CPED1: variants seen among roughly 807,000 people sequenced by gnomAD.
CPED1 encodes cadherin like and PC-esterase domain containing 1.
CPED1 carries 114 observed loss-of-function variants against 128.2 expected under a neutral mutation model. That is an observed-to-expected ratio of 0.89 (90% confidence interval 0.76 to 1.04). The LOEUF (loss-of-function observed/expected upper bound fraction) is 1.04, where lower values mean the gene tolerates loss of function less well. CPED1 is among the 50% of genes least tolerant of loss of function. The pLI is 0.00. For synonymous variants in CPED1, 462 were observed against 426.7 expected (o/e 1.08, Z -1.02); for missense variants, 1,211 against 1,207.1 (o/e 1.00, Z -0.05).
At chr7:121,227,041 T>C (rs1584613307) in intron 16 of CPED1, among the ~76,000 whole-genome samples, 1 of 152,080 alleles carries the variant, frequency 6.6e-6, no homozygotes, top group African/African-American at 2.4e-5. Context: ...ATTCTAGAGC[T>C]AAATAGATCA....
At chr7:121,076,694 C>T (rs1794132449) in intron 5 of CPED1, 1 of 152,108 alleles carries the variant, frequency 6.6e-6, no homozygotes, top group Non-Finnish European at 1.5e-5. Flanking sequence ...TTTAGTACTT[C>T]TTATAGATTA....
chr7:121,077,319 A>G (rs79719512), intron 5 of CPED1, among the ~76,000 whole-genome samples: 1,754 of 152,308 alleles, frequency 0.012, 32 homozygotes, highest in African/African-American at 0.04. Context: ...GTCAAATTTT[A>G]AAAATGACTG....
intron 3 of CPED1, among the ~76,000 whole-genome samples, chr7:121,025,405 A>G (rs1428555231): frequency 6.6e-6 from 1 of 152,164 alleles, no homozygotes; most frequent in Admixed American, 6.6e-5. Flanking sequence ...ATTAGAATAG[A>G]TTTGGGCGTG....
chr7:121,068,798 T>C (rs908185029), intron 5 of CPED1, among the ~76,000 whole-genome samples: 1 of 152,082 alleles, frequency 6.6e-6, no homozygotes, highest in African/African-American at 2.4e-5. Context: ...TATTGAGCAG[T>C]GGTTTGTAGT....
intron 16 of CPED1, among the ~76,000 whole-genome samples, chr7:121,178,955 A>G (rs1796841428): frequency 6.6e-6 from 1 of 152,072 alleles, no homozygotes; most frequent in African/African-American, 2.4e-5. Context: ...TGCAGCAAAG[A>G]GGTCCAAGGA....
intron 3 of CPED1, among the ~76,000 whole-genome samples, chr7:121,039,572 C>A (rs1180994235): frequency 6.6e-6 from 1 of 151,978 alleles, no homozygotes; most frequent in Non-Finnish European, 1.5e-5. Flanking sequence ...GCATTTCAGA[C>A]ATTTAGAAAT....
At position 121,033,245 on chromosome 7, in the gene CPED1, A is replaced by G. The variant is rs1205142031; in HGVS notation, c.434-13642A>G. ...CTGTAGGAGGAATGCCTGCTGAAGAAACATGAGGGTGTGGGTCAGGGTTAG... is the reference window on the plus strand; with the variant it reads ...CTGTAGGAGGAATGCCTGCTGAAGAGACATGAGGGTGTGGGTCAGGGTTAG... On this transcript the variant is annotated intron_variant, in intron 3 of 22. Transcript: ENST00000310396. Among the ~76,000 whole-genome samples, 5 of 152,210 alleles carry G rather than the reference A, an allele frequency of 3.3e-5. No homozygotes were observed. In the South Asian group the frequency reaches 1.0e-3, roughly 32 times the overall value.
At chr7:121,043,617 T>A (rs976396472) in intron 3 of CPED1, among the ~76,000 whole-genome samples, 2 of 152,112 alleles carry the variant, frequency 1.3e-5, no homozygotes, top group African/African-American at 2.4e-5. Context: ...TAGGATGGTG[T>A]GCTGCTACCA....
chr7:121,188,737 G>A (rs528397216), intron 16 of CPED1, among the ~76,000 whole-genome samples: 1 of 152,110 alleles, frequency 6.6e-6, no homozygotes, highest in African/African-American at 2.4e-5. Context: ...AAGAAGGAAT[G>A]GGAGTAGTGG....
chr7:121,282,037 A>G (rs1792474139), intron 22 of CPED1, among the ~76,000 whole-genome samples: 1 of 152,178 alleles, frequency 6.6e-6, no homozygotes, highest in Non-Finnish European at 1.5e-5. Flanking sequence ...ACATATTACA[A>G]ACATTTGCCA....
intron 5 of CPED1, among the ~76,000 whole-genome samples, chr7:121,088,594 G>C (rs1285468373): frequency 6.6e-6 from 1 of 151,242 alleles, no homozygotes; most frequent in African/African-American, 2.4e-5. Context: ...GGGAGGCAGA[G>C]GTTGCAGTGA....
chr7:121,243,404 C>T (rs1374859246), intron 17 of CPED1, among the ~76,000 whole-genome samples: 1 of 152,126 alleles, frequency 6.6e-6, no homozygotes, highest in East Asian at 1.9e-4. Flanking sequence ...AAGTGTTTTG[C>T]ATGAATGTTG....
chr7:121,025,026 T>A (rs1482946423), intron 3 of CPED1, among the ~76,000 whole-genome samples: 3 of 152,190 alleles, frequency 2.0e-5, no homozygotes, highest in Non-Finnish European at 4.4e-5. Flanking sequence ...GTTCCCAGAC[T>A]CTTTTAATGA....
chr7:121,151,264 A>G (rs1047171877), intron 16 of CPED1, among the ~76,000 whole-genome samples: 3 of 152,188 alleles, frequency 2.0e-5, no homozygotes, highest in African/African-American at 7.2e-5. Context: ...GCCGTATACA[A>G]TGTCAGAGGT....
At chr7:120,992,457 T>TG (rs1166278945) in intron 2 of CPED1, among the ~76,000 whole-genome samples, 4 of 152,038 alleles carry the variant, frequency 2.6e-5, no homozygotes, top group Admixed American at 2.6e-4. Context: ...TGAAGATCTT[T>TG]GGGGGGAAAA....
At chr7:121,188,029 T>C (rs1797043037) in intron 16 of CPED1, among the ~76,000 whole-genome samples, 1 of 152,162 alleles carries the variant, frequency 6.6e-6, no homozygotes, top group Non-Finnish European at 1.5e-5. Flanking sequence ...ATTTAAACAC[T>C]GGATACTTGC....
At position 120,989,421 on chromosome 7, in the gene CPED1, G is replaced by GCCTC. The variant is rs1796272045; in HGVS notation, c.-201_-200insCCTC. On this transcript the variant is annotated 5_prime_UTR_variant, in exon 2 of 23. It removes the in-frame stop codon of an upstream open reading frame in the 5' UTR. Coordinates refer to ENST00000310396, the MANE Select transcript of CPED1 (RefSeq NM_024913.5). The stretch of plus-strand genomic sequence containing the variant: ...CCACTTTTGACTGTCATCCATGGAA[G>GCCTC]AGCTCTTATTAAAAGCCTCAGACTT... 1.7e-6 allele frequency: 1 copy of GCCTC among 592,246 alleles called. No individual in the cohort carries two copies. The highest frequency in any genetic ancestry group is 1.9e-5 in the African/African-American group (1 of 53,592). The allele number at this position is 592,246 out of a possible 1,614,324, so 36.7% of individuals were successfully genotyped here.
chr7:121,209,322 AG>A (rs1020289549), intron 16 of CPED1, among the ~76,000 whole-genome samples: 1 of 152,038 alleles, frequency 6.6e-6, no homozygotes, highest in African/African-American at 2.4e-5. Context: ...GTTCTTTAAC[AG>A]ATAGTTAAAG....
At chr7:121,166,803 A>AACTTTAT (rs1796536253) in intron 16 of CPED1, among the ~76,000 whole-genome samples, 1 of 152,186 alleles carries the variant, frequency 6.6e-6, no homozygotes, top group Non-Finnish European at 1.5e-5. Context: ...TAAATGTAGG[A>AACTTTAT]GAAAGTTCTT....
Sources: gnomAD v4.1 joint callset for allele counts (sites outside exome capture counted in the v4.1 genomes callset) on GRCh38, gnomAD v4.1.1 for gene constraint, MANE v1.5 for transcripts, NCBI Gene and HGNC (gene_info 2026-07-23, HGNC 2026-07-21) for gene names.